TEX9: variants seen among roughly 807,000 people sequenced by gnomAD.
TEX9 encodes the protein testis-expressed protein 9.
TEX9 carries 74 observed loss-of-function variants against 59.6 expected under a neutral mutation model. That is an observed-to-expected ratio of 1.24 (90% CI 1.03 to 1.51). The LOEUF (loss-of-function observed/expected upper bound fraction) is 1.51, where lower values mean the gene tolerates loss of function less well. Among genes scored for constraint, TEX9 ranks in the 40% most tolerant of loss-of-function variants. The pLI, the probability that TEX9 is intolerant of heterozygous loss-of-function variation, is 0.00. For synonymous variants in TEX9, 186 were observed against 152.2 expected (o/e 1.22, Z -1.64); for missense variants, 522 against 447.8 (o/e 1.17, Z -1.49).
chr15:56,310,624 A>G (rs1202803484), intron 1 of TEX9, among the ~76,000 whole-genome samples: 1 of 152,100 alleles, frequency 6.6e-6, no homozygotes, highest in Non-Finnish European at 1.5e-5. Flanking sequence ...AGCTCTGCCA[A>G]GTAGGCTAGC....
intron 1 of TEX9, among the ~76,000 whole-genome samples, chr15:56,282,159 C>A (rs2044834584): frequency 6.6e-6 from 1 of 152,080 alleles, no homozygotes; most frequent in Non-Finnish European, 1.5e-5. Context: ...GGATTTTATT[C>A]TAGGAATGTA....
intron 1 of TEX9, among the ~76,000 whole-genome samples, chr15:56,301,767 C>G (rs1193025553): frequency 1.3e-5 from 2 of 152,036 alleles, no homozygotes; most frequent in Non-Finnish European, 2.9e-5. Flanking sequence ...TCATCAGCAC[C>G]AGCCTTGTCC....
chr15:56,334,834 A>G (rs2046228809), intron 1 of TEX9, among the ~76,000 whole-genome samples: 1 of 152,196 alleles, frequency 6.6e-6, no homozygotes, highest in Non-Finnish European at 1.5e-5. Context: ...TGATTTTTTT[A>G]AATGGGCAAA....
At chr15:56,278,498 G>T (rs552842366) in intron 1 of TEX9, among the ~76,000 whole-genome samples, 2 of 152,280 alleles carry the variant, frequency 1.3e-5, no homozygotes, top group South Asian at 4.1e-4. Flanking sequence ...TGTCTCCCCA[G>T]CCTGGGTACT....
At chr15:56,443,424 A>G in intron 12 of TEX9, 1 of 1,548,962 alleles carries the variant, frequency 6.5e-7, no homozygotes, top group Non-Finnish European at 8.7e-7. Flanking sequence ...CATTTCTGAA[A>G]CTTACTTTTA....
intron 1 of TEX9, among the ~76,000 whole-genome samples, chr15:56,293,788 T>G (rs1423403961): frequency 6.6e-6 from 1 of 152,208 alleles, no homozygotes; most frequent in Non-Finnish European, 1.5e-5. Context: ...ACATTGTGGC[T>G]GGAAGGATTT....
At chr15:56,381,662 C>T (rs1029884194) in intron 3 of TEX9, among the ~76,000 whole-genome samples, 3 of 152,174 alleles carry the variant, frequency 2.0e-5, no homozygotes, top group African/African-American at 7.2e-5. Flanking sequence ...TCTGGGTTAC[C>T]AGACAGAGAC....
At chr15:56,380,952 T>C (rs2047697744) in intron 3 of TEX9, among the ~76,000 whole-genome samples, 1 of 152,216 alleles carries the variant, frequency 6.6e-6, no homozygotes, top group Non-Finnish European at 1.5e-5. Context: ...TACTTGAACA[T>C]TGATAACTTT....
At chr15:56,256,314 A>G (rs1475731749) in intron 1 of TEX9, among the ~76,000 whole-genome samples, 1 of 152,088 alleles carries the variant, frequency 6.6e-6, no homozygotes, top group Non-Finnish European at 1.5e-5. Flanking sequence ...CAGTGTTGGG[A>G]TATGAACCTA....
At chr15:56,383,961 C>G (rs1352838015) in exon 4 of TEX9, 1 of 1,610,220 alleles carries the variant, frequency 6.2e-7, no homozygotes, top group Non-Finnish European at 8.5e-7. Context: ...GAGAGATCGG[C>G]AAGAAGTACG....
At chr15:56,444,668 A>C in intron 12 of TEX9, 1 of 1,609,912 alleles carries the variant, frequency 6.2e-7, no homozygotes, top group Non-Finnish European at 8.5e-7. Context: ...TTTCAGCATC[A>C]CGTTTCTGTT....
chr15:56,273,721 G>C (rs2044604320), intron 1 of TEX9, among the ~76,000 whole-genome samples: 1 of 152,072 alleles, frequency 6.6e-6, no homozygotes, highest in Non-Finnish European at 1.5e-5. Flanking sequence ...ATTCTGGTTT[G>C]ACAATTTTTT....
At chr15:56,427,728 A>G in exon 11 of TEX9, 2 of 1,480,178 alleles carry the variant, frequency 1.4e-6, no homozygotes, top group South Asian at 1.4e-5. Context: ...TGATGTTTTA[A>G]AAAGGCAAAA....
At chr15:56,395,860 T>A (rs1045186896) in intron 9 of TEX9, 6 of 152,310 alleles carry the variant, frequency 3.9e-5, no homozygotes, top group Non-Finnish European at 2.9e-5. Flanking sequence ...GTTCTTTATG[T>A]GTTTAGATAC....
intron 1 of TEX9, among the ~76,000 whole-genome samples, chr15:56,299,898 C>G (rs1386735960): frequency 6.6e-6 from 1 of 152,086 alleles, no homozygotes; most frequent in Non-Finnish European, 1.5e-5. Context: ...GGTAGCCAGG[C>G]AGTACTCACC....
chr15:56,290,699 C>T (rs1192474837), intron 1 of TEX9, among the ~76,000 whole-genome samples: 1 of 152,112 alleles, frequency 6.6e-6, no homozygotes, highest in South Asian at 2.1e-4. Flanking sequence ...AGGTGATACC[C>T]CAACCTCAGT....
intron 12 of TEX9, among the ~76,000 whole-genome samples, chr15:56,437,158 C>CA (rs199779254): frequency 0.014 from 2,164 of 151,330 alleles, 46 homozygotes; most frequent in African/African-American, 0.043. Context: ...AGAGACACCA[C>CA]AAAAAAAAGA....
chr15:56,369,885 TA>T (rs1170411828), intron 2 of TEX9, among the ~76,000 whole-genome samples: 8 of 152,298 alleles, frequency 5.3e-5, no homozygotes, highest in Non-Finnish European at 7.4e-5. Context: ...AATTATAGTT[TA>T]AAAAAATTCC....
At position 56,316,441 on chromosome 15, in the gene TEX9, T is replaced by A. The variant is rs1364147434; in HGVS notation, c.-106-57000T>A. On this transcript the variant is annotated intron_variant, in intron 1 of 5. Coordinates refer to the TEX9 transcript ENST00000560827. ...GGCGTCAGTGTGCCCCTGCTGGGGG[T>A]GCCTCCCAGTTAGGCTGCTCGGGGG... Among the ~76,000 whole-genome samples the A allele has an allele frequency of 3.3e-5, 4 of 121,364 alleles. No homozygotes were observed. The East Asian group carries it at 9.6e-4, about 29-fold the overall frequency. 79.6% of individuals were successfully genotyped at this position (121,364 alleles called of 152,430 possible).
Sources: allele counts gnomAD v4.1 joint callset (sites outside exome capture counted in the v4.1 genomes callset), GRCh38; gene constraint gnomAD v4.1.1; transcripts MANE v1.5; gene names NCBI Gene and HGNC (gene_info 2026-07-23, HGNC 2026-07-21).